The following CADPS variants were observed in gnomAD, a reference collection of about 807,000 sequenced individuals.
CADPS encodes calcium-dependent secretion activator 1.
Under a neutral mutation model 167.3 loss-of-function variants are expected in CADPS, and 57 were observed. The observed-to-expected ratio is 0.34, with a 90% confidence interval of 0.28 to 0.42. The LOEUF (loss-of-function observed/expected upper bound fraction) is 0.42, where lower values mean the gene tolerates loss of function less well. Among genes scored for constraint, CADPS ranks in the 20% least tolerant of loss-of-function variants. The pLI is 1.00. For missense variants in CADPS, 1,414 were observed against 1,738.1 expected (o/e 0.81, Z 3.32); for synonymous variants, 676 against 635.3 (o/e 1.06, Z -0.96).
At chr3:62,678,381 C>G (rs1038911281) in intron 3 of CADPS, among the ~76,000 whole-genome samples, 14 of 152,054 alleles carry the variant, frequency 9.2e-5, no homozygotes, top group African/African-American at 3.4e-4. Flanking sequence ...AAATATATTG[C>G]CCTCCTTTCT....
At position 62,544,384 on chromosome 3, in the gene CADPS, C is replaced by T. The variant is rs9857515; in HGVS notation, c.1966+5519G>A. Among the ~76,000 whole-genome samples the T allele has an allele frequency of 0.15, 22,531 of 151,984 alleles. 1,975 individuals carry two copies. The highest frequency in any genetic ancestry group is 0.25 in the African/African-American group (10,228 of 41,426). ...TAAGGTATCCATGGTTACCACACCA[C>T]TGGTACTCTGACCATTCGAATCTTT... is the stretch of plus-strand genomic sequence containing the variant. On this transcript the variant is annotated intron_variant, in intron 11 of 29. Transcript: ENST00000383710. This position sits in a 1 kb window ranked among gnomAD's most constrained non-coding sequence, Gnocchi z 4.4.
intron 3 of CADPS, among the ~76,000 whole-genome samples, chr3:62,685,288 C>T (rs2077798839): frequency 6.6e-6 from 1 of 151,894 alleles, no homozygotes; most frequent in Non-Finnish European, 1.5e-5. Flanking sequence ...TGGTAACACC[C>T]ACTAAGGCAC....
chr3:62,608,157 T>C (rs1035373926), intron 6 of CADPS, among the ~76,000 whole-genome samples: 2 of 152,260 alleles, frequency 1.3e-5, no homozygotes, highest in African/African-American at 2.4e-5. Flanking sequence ...ACTGGGGCTA[T>C]GTTAAGTTCA....
intron 1 of CADPS, among the ~76,000 whole-genome samples, chr3:62,770,994 T>G (rs944740368): frequency 4.6e-5 from 7 of 152,190 alleles, no homozygotes; most frequent in African/African-American, 1.7e-4. Context: ...GTATCCCATT[T>G]TACAGGTATA....
At chr3:62,582,173 C>T (rs188484850) in intron 8 of CADPS, among the ~76,000 whole-genome samples, 9 of 152,282 alleles carry the variant, frequency 5.9e-5, no homozygotes, top group Admixed American at 2.6e-4. Context: ...CGGCAGGGCG[C>T]GGTGGCTCAT....
Position 62,481,801 on chromosome 3 carries a change from G to T in CADPS, c.3095C>A (p.Pro1032Gln). The change falls in exon 22 of 30, where the codon CCA becomes CAA. Residue 1032 changes from proline to glutamine, a missense_variant. By Grantham distance (76) the Pro-to-Gln change is moderately conservative. This residue lies in a region of CADPS where 529 missense variants were observed against 629.6 expected (regional missense o/e 0.84). Coordinates refer to ENST00000383710, the MANE Select transcript of CADPS (RefSeq NM_003716.4). ...TGGGATGCCTAGAGGGATGTTAACT[G>T]GTAGATTTGGTACTTTGGGAAGGTT... ...NVNLPKVPNL[P>Q]VNIPLGIPQM... is the part of the protein sequence containing the mutation. 3 of 1,611,298 alleles carry T rather than the reference G, an allele frequency of 1.9e-6. No homozygotes were observed. The highest frequency in any genetic ancestry group is 2.5e-6 in the Non-Finnish European group (3 of 1,178,980).
chr3:62,441,338 C>A (rs2056276817), intron 27 of CADPS, among the ~76,000 whole-genome samples: 1 of 152,116 alleles, frequency 6.6e-6, no homozygotes, highest in Non-Finnish European at 1.5e-5. Flanking sequence ...AATAAGCTAC[C>A]CTGTGGCTCA....
At chr3:62,636,282 G>A (rs1033279055) in intron 6 of CADPS, among the ~76,000 whole-genome samples, 12 of 152,134 alleles carry the variant, frequency 7.9e-5, no homozygotes, top group African/African-American at 2.7e-4. Flanking sequence ...TTCAAAGTAG[G>A]GGTTGTATCA....
At chr3:62,764,581 A>C (rs2086368293) in intron 2 of CADPS, among the ~76,000 whole-genome samples, 1 of 152,230 alleles carries the variant, frequency 6.6e-6, no homozygotes, top group Admixed American at 6.5e-5. Context: ...ATATTTTCAC[A>C]AGATCTAATT....
rs757374244 is a variant in CADPS at position 62,400,602 on chromosome 3, T to TTTC, written c.3883-1018_3883-1017insGAA. Among the ~76,000 whole-genome samples, 850 of 115,012 alleles carry TTTC rather than the reference T, an allele frequency of 7.4e-3. 25 individuals carry two copies. The highest frequency in any genetic ancestry group is 0.036 in the South Asian group (110 of 3,080). 75.5% of individuals were successfully genotyped at this position (115,012 alleles called of 152,430 possible). A position where few individuals can be genotyped will look rare whatever the true frequency, so the allele number is the denominator to read the frequency against. On this transcript the variant is annotated intron_variant, in intron 29 of 29. Transcript: ENST00000383710. ...CCATCATTCTTTCTTTTTTTTTTTC[T>TTTC]TTTTTTTTTTTTTTCAAGATGGCAT...
rs997076656 is a variant in CADPS, at chr3:62,708,479, A to C, written c.888+44962T>G. Among the ~76,000 whole-genome samples, 17 of 152,072 alleles carry C rather than the reference A, an allele frequency of 1.1e-4. 2 individuals carry two copies. The highest frequency in any genetic ancestry group is 4.1e-4 in the African/African-American group (17 of 41,376). ...CTCATTTCACAGATGAGAAAAGTGA[A>C]ACACCAAGAGGTTGGGTAACTTGCC... is the stretch of plus-strand genomic sequence containing the variant. On this transcript the variant is annotated intron_variant, in intron 3 of 29. Transcript: ENST00000383710.
chr3:62,633,785 G>A (rs1442552478), intron 6 of CADPS, among the ~76,000 whole-genome samples: 2 of 152,202 alleles, frequency 1.3e-5, no homozygotes, highest in African/African-American at 4.8e-5. Context: ...TGCTAAATGG[G>A]CTGAGGATTA....
At chr3:62,727,497 T>C (rs142974761) in intron 3 of CADPS, among the ~76,000 whole-genome samples, 1 of 151,934 alleles carries the variant, frequency 6.6e-6, no homozygotes, top group Non-Finnish European at 1.5e-5. Flanking sequence ...GTTGTCTCCA[T>C]AGCAATAGTC....
chr3:62,755,390 C>T (rs1181766158), intron 2 of CADPS, among the ~76,000 whole-genome samples: 4 of 152,160 alleles, frequency 2.6e-5, no homozygotes, highest in Non-Finnish European at 5.9e-5. Flanking sequence ...GCAGTGAAGC[C>T]GCCGCTTCAT....
At chr3:62,475,584 GAAAAAA>G (rs34263556) in intron 23 of CADPS, among the ~76,000 whole-genome samples, 131 of 55,934 alleles carry the variant, frequency 2.3e-3, no homozygotes, top group Non-Finnish European at 3.1e-3. Context: ...CAGTTCTTAA[GAAAAAA>G]AAAAAAAAAA....
At chr3:62,716,082 C>A (rs2084526494) in intron 3 of CADPS, among the ~76,000 whole-genome samples, 1 of 148,936 alleles carries the variant, frequency 6.7e-6, no homozygotes, top group South Asian at 2.1e-4. Flanking sequence ...TTTTTTGAGA[C>A]AGAGTTTTGC....
At chr3:62,734,537 T>C (rs1001430426) in intron 3 of CADPS, among the ~76,000 whole-genome samples, 1 of 152,190 alleles carries the variant, frequency 6.6e-6, no homozygotes, top group African/African-American at 2.4e-5. Context: ...TCTTGAGTTT[T>C]ATATAAATGA....
At chr3:62,656,419 C>G (rs1411499785) in intron 4 of CADPS, among the ~76,000 whole-genome samples, 1 of 152,174 alleles carries the variant, frequency 6.6e-6, no homozygotes, top group Non-Finnish European at 1.5e-5. Flanking sequence ...GAAAATGAGG[C>G]AGAAGTGTTA....
At chr3:62,702,266 G>T (rs13069733) in intron 3 of CADPS, among the ~76,000 whole-genome samples, 109,114 of 152,066 alleles carry the variant, frequency 0.72, 39,382 homozygotes, top group East Asian at 0.86. Context: ...ATTCATTGAT[G>T]CATGCAAACA....
Sources: gnomAD v4.1 joint callset for allele counts (sites outside exome capture counted in the v4.1 genomes callset) on GRCh38, gnomAD v4.1.1 for gene constraint, gnomAD v4.1.1 regional missense constraint, Gnocchi (gnomAD v3.1) non-coding constraint, MANE v1.5 for transcripts, NCBI Gene and HGNC (gene_info 2026-07-23, HGNC 2026-07-21) for gene names.